RBFOX1: variants seen among roughly 807,000 people sequenced by gnomAD.
RBFOX1 encodes RNA binding protein fox-1 homolog 1.
RBFOX1 carries 8 observed loss-of-function variants against 57.7 expected under a neutral mutation model. The ratio of observed to expected loss-of-function variants is 0.14; its 90% CI spans 0.08 to 0.25. The LOEUF is 0.25. RBFOX1 is among the 10% of genes least tolerant of loss of function. RBFOX1 has a pLI of 1.00. For missense variants in RBFOX1, 611 were observed against 548.5 expected (o/e 1.11, Z -1.14); for synonymous variants, 326 against 222.4 (o/e 1.47, Z -4.15).
intron 2 of RBFOX1, among the ~76,000 whole-genome samples, chr16:5,573,340 C>G (rs1436487500): frequency 1.3e-5 from 2 of 152,190 alleles, no homozygotes; most frequent in Non-Finnish European, 2.9e-5. Flanking sequence ...GCTTTCTCAT[C>G]ACTGCTTTGA....
intron 3 of RBFOX1, among the ~76,000 whole-genome samples, chr16:5,863,412 G>T (rs2057273589): frequency 6.6e-6 from 1 of 152,134 alleles, no homozygotes; most frequent in Non-Finnish European, 1.5e-5. Context: ...ACTGCTGATG[G>T]CTTGATAAAA....
chr16:7,652,762 G>A (rs1007948583), intron 11 of RBFOX1, among the ~76,000 whole-genome samples: 3 of 152,204 alleles, frequency 2.0e-5, no homozygotes, highest in African/African-American at 7.2e-5. Context: ...TTGTAATCAT[G>A]CTGGTTGCCT....
intron 2 of RBFOX1, among the ~76,000 whole-genome samples, chr16:6,545,282 C>A (rs1372760687): frequency 2.0e-5 from 3 of 152,100 alleles, no homozygotes; most frequent in East Asian, 3.9e-4. Flanking sequence ...GTTACCTTTC[C>A]CCATCTTTTC....
At chr16:6,052,657 G>A (rs897574226) in intron 1 of RBFOX1, among the ~76,000 whole-genome samples, 6 of 151,796 alleles carry the variant, frequency 4.0e-5, no homozygotes, top group African/African-American at 9.7e-5. Context: ...GGTGGCGGGC[G>A]CCTGTAGTCC....
At chr16:7,437,145 A>G (rs1167191584) in intron 4 of RBFOX1, among the ~76,000 whole-genome samples, 2 of 152,102 alleles carry the variant, frequency 1.3e-5, no homozygotes, top group African/African-American at 4.8e-5. Flanking sequence ...GATTTGCCAT[A>G]GGATCGTTTA....
rs1440132449 is a variant in RBFOX1, at chr16:7,068,439, G to A, written c.27+16341G>A. 3.9e-5 allele frequency among the ~76,000 whole-genome samples: 6 copies of A among 152,092 alleles called. No individual in the cohort carries two copies. The East Asian group carries it at 9.6e-4, about 24-fold the overall frequency. ...GTAGCCCAGGGTGGCCATTGGCCCA[G>A]GACTCACCTCTACCTGCCTTTTGAA... On this transcript the variant is annotated intron_variant, in intron 4 of 15. Coordinates refer to ENST00000550418, the MANE Select transcript of RBFOX1 (RefSeq NM_018723.4).
At chr16:5,875,842 C>G (rs1181116433) in intron 4 of RBFOX1, among the ~76,000 whole-genome samples, 1 of 149,986 alleles carries the variant, frequency 6.7e-6, no homozygotes, top group East Asian at 1.9e-4. Context: ...TTAGAAGAAT[C>G]CCACTTTTTT....
intron 4 of RBFOX1, among the ~76,000 whole-genome samples, chr16:7,301,886 C>T (rs1480938476): frequency 1.3e-5 from 2 of 152,042 alleles, no homozygotes; most frequent in African/African-American, 4.8e-5. Flanking sequence ...TGTGGAGTGA[C>T]TTTCTCTTTA....
chr16:5,254,025 T>G (rs186017495), intron 1 of RBFOX1, among the ~76,000 whole-genome samples: 1 of 152,338 alleles, frequency 6.6e-6, no homozygotes, highest in Admixed American at 6.5e-5. Flanking sequence ...TCTGTGTGTG[T>G]CATCCTTCCC....
chr16:6,650,011 A>G (rs746867113), intron 2 of RBFOX1, among the ~76,000 whole-genome samples: 4 of 152,170 alleles, frequency 2.6e-5, no homozygotes, highest in Non-Finnish European at 5.9e-5. Flanking sequence ...GCTATTGTGA[A>G]TAATGCTGCA....
At chr16:5,891,818 T>G (rs772416071) in intron 4 of RBFOX1, among the ~76,000 whole-genome samples, 1 of 152,196 alleles carries the variant, frequency 6.6e-6, no homozygotes, top group Non-Finnish European at 1.5e-5. Flanking sequence ...CAGCTGTTTC[T>G]CTGACCTTGA....
rs373561081 is a variant in RBFOX1, at chr16:6,885,810, C to T, written c.-15-166247C>T. The stretch of plus-strand genomic sequence containing the variant: ...CCTCCCAAAATGCTGGGATTACGGG[C>T]ATGAATCACTGCACCCGGCCTTAGT... On this transcript the variant is annotated intron_variant, in intron 3 of 15. Coordinates refer to ENST00000550418, the MANE Select transcript of RBFOX1 (RefSeq NM_018723.4). Among the ~76,000 whole-genome samples the T allele has an allele frequency of 7.7e-4, 117 of 152,268 alleles. 6 individuals are homozygous for T. The South Asian group carries it at 0.023, about 30-fold the overall frequency.
intron 3 of RBFOX1, among the ~76,000 whole-genome samples, chr16:5,773,415 T>C (rs2054043743): frequency 1.3e-5 from 2 of 152,214 alleles, no homozygotes; most frequent in Non-Finnish European, 2.9e-5. Context: ...GAGATCATAG[T>C]ATGCATATTG....
Position 6,694,278 on chromosome 16 carries a change from A to C in RBFOX1, c.-16+39628A>C, listed in dbSNP as rs1421870292. On this transcript the variant is annotated intron_variant, in intron 3 of 15. Coordinates refer to ENST00000550418, the MANE Select transcript of RBFOX1 (RefSeq NM_018723.4). ...AAATTAGAGAGGAGGTTGGTGTGTGAGTCAATTTTTCTGTCTTATTTATCT... is the reference window on the plus strand; with the variant it reads ...AAATTAGAGAGGAGGTTGGTGTGTGCGTCAATTTTTCTGTCTTATTTATCT... Among the ~76,000 whole-genome samples the C allele has an allele frequency of 3.3e-5, 5 of 152,180 alleles. No individual in the cohort carries two copies. In the East Asian group the frequency reaches 9.6e-4, roughly 29 times the overall value.
At chr16:5,984,220 C>G (rs1567220752) in intron 4 of RBFOX1, among the ~76,000 whole-genome samples, 3 of 130,920 alleles carry the variant, frequency 2.3e-5, no homozygotes. Flanking sequence ...TCTTCTCTTC[C>G]TCTTCCTCCT....
chr16:6,920,625 C>A (rs753661695), intron 3 of RBFOX1, among the ~76,000 whole-genome samples: 8 of 152,138 alleles, frequency 5.3e-5, no homozygotes, highest in Non-Finnish European at 1.0e-4. Flanking sequence ...GATATTAGCT[C>A]CTTCTGGAAG....
chr16:7,010,270 A>G (rs1350766725), intron 3 of RBFOX1, among the ~76,000 whole-genome samples: 1 of 152,248 alleles, frequency 6.6e-6, no homozygotes, highest in Non-Finnish European at 1.5e-5. Context: ...CTCCAGGACC[A>G]AGAGAAAACT....
At position 5,787,143 on chromosome 16, in the gene RBFOX1, T is replaced by G. The variant is rs577694491; in HGVS notation, c.319-80160T>G. Among the ~76,000 whole-genome samples the G allele has an allele frequency of 1.8e-3, 276 of 152,136 alleles. 2 individuals carry two copies. Among genetic ancestry groups the G allele is most frequent in the African/African-American group, 6.5e-3 (268 of 41,514 alleles). On this transcript the variant is annotated intron_variant, in intron 3 of 19. Transcript: ENST00000641259. ...AGTGAGATACTGTCTCCCAAAAAAA[T>G]AATAACACAGGAGGAGCTCATAGCA...
chr16:6,430,218 C>G (rs908543727), intron 2 of RBFOX1, among the ~76,000 whole-genome samples: 3 of 152,120 alleles, frequency 2.0e-5, no homozygotes, highest in African/African-American at 7.2e-5. Flanking sequence ...ACTAATACAC[C>G]TACTGTGTGC....
Sources: gnomAD v4.1 joint callset for allele counts (sites outside exome capture counted in the v4.1 genomes callset) on GRCh38, gnomAD v4.1.1 for gene constraint, MANE v1.5 for transcripts, NCBI Gene and HGNC (gene_info 2026-07-23, HGNC 2026-07-21) for gene names.